The following NCAPD2 variants were observed in gnomAD, a reference collection of about 807,000 sequenced individuals.
NCAPD2 encodes condensin complex subunit 1.
In NCAPD2, 100 loss-of-function variants were observed where a neutral mutation model predicts 164.5. The observed-to-expected ratio is 0.61, with a 90% CI of 0.52 to 0.72. The LOEUF is 0.72. NCAPD2 is among the 30% of genes least tolerant of loss of function. The pLI, the probability that NCAPD2 is intolerant of heterozygous loss-of-function variation, is 0.00. For synonymous variants in NCAPD2, 585 were observed against 642.6 expected (o/e 0.91, Z 1.36); for missense variants, 1,560 against 1,749.2 (o/e 0.89, Z 1.93).
intron 22 of NCAPD2, among the ~76,000 whole-genome samples, chr12:6,527,289 C>T (rs963949441): frequency 2.6e-4 from 40 of 152,314 alleles, no homozygotes; most frequent in African/African-American, 8.4e-4. Context: ...GAGTTAGAGA[C>T]CTCAGCATAA....
chr12:6,510,853 G>T (rs752614398), intron 5 of NCAPD2, 43 bp downstream of exon 5: 22 of 1,583,562 alleles, frequency 1.4e-5, no homozygotes, highest in Middle Eastern at 1.7e-4. Context: ...GGTCTGGGGA[G>T]ATAGGGGAAT....
At chr12:6,495,278 A>G in intron 2 of NCAPD2, 53 bp downstream of exon 2, 1 of 1,595,516 alleles carries the variant, frequency 6.3e-7, no homozygotes, top group Non-Finnish European at 8.6e-7. Context: ...ACCATCTCAC[A>G]TGGAATTGCT....
chr12:6,499,495 C>G (rs1305168686), intron 2 of NCAPD2, among the ~76,000 whole-genome samples: 3 of 152,166 alleles, frequency 2.0e-5, no homozygotes, highest in Admixed American at 6.5e-5. Flanking sequence ...TCAAGCAATT[C>G]TCCTGCTTCA....
intron 13 of NCAPD2, among the ~76,000 whole-genome samples, chr12:6,519,231 A>G (rs1425156396): frequency 6.6e-6 from 1 of 152,126 alleles, no homozygotes; most frequent in Non-Finnish European, 1.5e-5. Flanking sequence ...TGTTTGCCCT[A>G]TGACTCCCTT....
At chr12:6,505,469 C>T (rs1020059811) in intron 2 of NCAPD2, among the ~76,000 whole-genome samples, 6 of 152,114 alleles carry the variant, frequency 3.9e-5, no homozygotes, top group South Asian at 2.1e-4. Flanking sequence ...ACCATAGTAT[C>T]GACAAGAGGC....
Position 6,531,875 on chromosome 12 carries a change from G to T in NCAPD2, c.*463G>T. On this transcript the variant is annotated 3_prime_UTR_variant, in exon 32 of 32. Coordinates refer to ENST00000315579, the MANE Select transcript of NCAPD2 (RefSeq NM_014865.4). This position sits in a 1 kb window ranked among gnomAD's most constrained non-coding sequence, Gnocchi z 4.1. ...TCTCTTAAATTAGCCTAACTGAACT[G>T]CGTTGAGCTGCTTCAACTTTGGAAT... The T allele has an allele frequency of 5.5e-6, 1 of 180,230 alleles. No individual in the cohort carries two copies. The highest frequency in any genetic ancestry group is 9.6e-5 in the South Asian group (1 of 10,470). The allele number at this position is 180,230 out of a possible 1,614,324, so 11.2% of individuals were successfully genotyped here.
chr12:6,499,808 G>C (rs1457545502), intron 2 of NCAPD2, among the ~76,000 whole-genome samples: 1 of 152,178 alleles, frequency 6.6e-6, no homozygotes, highest in African/African-American at 2.4e-5. Flanking sequence ...ATGGTTGTAA[G>C]AGCCAAAGAG....
chr12:6,511,962 C>T (rs1418433765), intron 6 of NCAPD2, among the ~76,000 whole-genome samples: 6 of 147,874 alleles, frequency 4.1e-5, no homozygotes, highest in East Asian at 2.0e-4. Context: ...CCATCCTGGG[C>T]GACAAGAGCA....
chr12:6,529,413 A>T (rs1413775735), intron 27 of NCAPD2, 100 bp from the exon 28 acceptor site: 1 of 1,082,406 alleles, frequency 9.2e-7, no homozygotes, highest in Non-Finnish European at 1.4e-6. Context: ...GGCAGAGAAC[A>T]TCAGAGAAGA....
At position 6,528,803 on chromosome 12, in the gene NCAPD2, G is replaced by A. The variant is rs777724116; in HGVS notation, c.3424G>A (p.Glu1142Lys). 28 of 1,613,992 alleles carry A rather than the reference G, an allele frequency of 1.7e-5. No homozygotes were observed. Among genetic ancestry groups the A allele is most frequent in the African/African-American group, 2.7e-5 (2 of 74,904 alleles). ...GATGGCGGTGCTGCTCATCGACCCC[G>A]AGCCTCAGATTGCTGCCCTGGCCAA... Reference protein sequence around the residue: ...SEMAVLLIDPEPQIAALAKNF... With the variant: ...SEMAVLLIDPKPQIAALAKNF... Residue 1142 changes from glutamate to lysine, a missense_variant, in exon 26 of 32, where the codon GAG (glutamate) becomes AAG (lysine). Physicochemically the swap from Glu to Lys is moderately conservative, Grantham distance 56. Transcript: ENST00000315579. This position sits in a 1 kb window ranked among gnomAD's most constrained non-coding sequence, Gnocchi z 5.1.
intron 27 of NCAPD2, 62 bp downstream of exon 27, chr12:6,529,101 A>C: frequency 6.9e-7 from 1 of 1,447,242 alleles, no homozygotes; most frequent in Non-Finnish European, 9.7e-7. Flanking sequence ...AATCAGACAC[A>C]CCTGTATTTG....
At position 6,527,130 on chromosome 12, in the gene NCAPD2, C is replaced by T. The variant is rs561176254; in HGVS notation, c.2907+67C>T. The T allele has an allele frequency of 6.2e-5, 91 of 1,460,000 alleles. No individual in the cohort carries two copies. The African/African-American group carries it at 8.5e-4, about 14-fold the overall frequency. The allele number at this position is 1,460,000 out of a possible 1,614,324, so 90.4% of individuals were successfully genotyped here. A position where few individuals can be genotyped will look rare whatever the true frequency, so the allele number is the denominator to read the frequency against. On this transcript the variant is annotated intron_variant, in intron 22 of 31. Transcript: ENST00000315579. Reference sequence around the variant, plus strand: ...CTCAGCTCAGAACTGAGCTGATCCCCTTCCGGCAATCTCTGCTCCTCTGCT... The same window carrying T: ...CTCAGCTCAGAACTGAGCTGATCCCTTTCCGGCAATCTCTGCTCCTCTGCT...
At chr12:6,502,600 T>C (rs1225612640) in intron 2 of NCAPD2, among the ~76,000 whole-genome samples, 1 of 152,042 alleles carries the variant, frequency 6.6e-6, no homozygotes, top group Non-Finnish European at 1.5e-5. Flanking sequence ...TTGTTGTTAA[T>C]TAGTGGAATA....
intron 4 of NCAPD2, 193 bp from the exon 5 acceptor site, chr12:6,510,436 A>T (rs1946135864): frequency 1.3e-6 from 1 of 796,384 alleles, no homozygotes; most frequent in African/African-American, 1.7e-5. Context: ...TGGTAACTGG[A>T]GTGAGAGAGT....
At position 6,495,115 on chromosome 12, in the gene NCAPD2, A is replaced by C; in HGVS notation, c.17A>C (p.Tyr6Ser). The change falls in exon 2 of 32, where the codon TAT (tyrosine) becomes TCT (serine). Residue 6 changes from tyrosine to serine, a missense_variant. Tyr to Ser is a moderately radical substitution (Grantham distance 144, BLOSUM62 -2). Coordinates refer to ENST00000315579, the MANE Select transcript of NCAPD2 (RefSeq NM_014865.4). The part of the protein sequence containing the change: MAPQM[Y>S]EFHLPLSPEE... ...AGGAGTAGAATGGCTCCCCAAATGT[A>C]TGAGTTCCATCTGCCATTATCCCCA... 6.2e-7 allele frequency: 1 copy of C among 1,614,144 alleles called. No individual in the cohort carries two copies. The highest frequency in any genetic ancestry group is 1.3e-5 in the African/African-American group (1 of 75,048).
At position 6,528,332 on chromosome 12, in the gene NCAPD2, A is replaced by G. The variant is rs1261441942; in HGVS notation, c.3299+4A>G. ...GGACTCCTCATCTGTATGCTCGGTA[A>G]GAGACCCCTCACAACGTGGTGGCAG... is the stretch of plus-strand genomic sequence containing the variant. On this transcript the variant is annotated splice_donor_region_variant and intron_variant, in intron 25 of 31. Transcript: ENST00000315579. The surrounding 1 kb of genome is among the most constrained non-coding windows in gnomAD (Gnocchi z 5.1). 1 of 1,613,442 alleles carries G rather than the reference A, an allele frequency of 6.2e-7. No homozygotes were observed.
At chr12:6,504,230 T>C (rs186712882) in intron 2 of NCAPD2, among the ~76,000 whole-genome samples, 22,825 of 78,702 alleles carry the variant, frequency 0.29, 3,333 homozygotes, top group Admixed American at 0.4. Flanking sequence ...TATAGATATA[T>C]ATATATATAT....
chr12:6,509,897 C>T, intron 3 of NCAPD2, 105 bp downstream of exon 3: 2 of 1,307,876 alleles, frequency 1.5e-6, no homozygotes, highest in Non-Finnish European at 2.2e-6. Context: ...CTGATAAATG[C>T]CTCTGGATAT....
In NCAPD2 at chr12:6,498,149, T is replaced by C. The variant is rs1419464795; in HGVS notation, c.127+2924T>C. 2.0e-5 allele frequency among the ~76,000 whole-genome samples: 3 copies of C among 152,148 alleles called. No individual in the cohort carries two copies. In the East Asian group the frequency reaches 5.8e-4, roughly 29 times the overall value. ...GTCTCAAACTCCCGAGCTCAAGCGA[T>C]CTGCCCACCTCAGCCTCCCAAAGTG... On this transcript the variant is annotated intron_variant, in intron 2 of 31. Transcript: ENST00000315579.
Sources: allele counts gnomAD v4.1 joint callset (sites outside exome capture counted in the v4.1 genomes callset), GRCh38; gene constraint gnomAD v4.1.1; non-coding constraint Gnocchi (gnomAD v3.1); transcripts MANE v1.5; gene names NCBI Gene and HGNC (gene_info 2026-07-23, HGNC 2026-07-21).